The following ERGIC2 variants were observed in gnomAD, a reference collection of about 807,000 sequenced individuals.
ERGIC2 encodes the protein endoplasmic reticulum-Golgi intermediate compartment protein 2.
A neutral mutation model predicts 52.5 loss-of-function variants in ERGIC2; 31 were observed. The ratio of observed to expected loss-of-function variants is 0.59; its 90% CI spans 0.44 to 0.80. ERGIC2 has a LOEUF of 0.80. Ranked by LOEUF, ERGIC2 falls within the 30% of genes least tolerant of loss-of-function variation. The pLI, the probability that ERGIC2 is intolerant of heterozygous loss-of-function variation, is 0.00. For missense variants in ERGIC2, 395 were observed against 455.2 expected, an observed-to-expected ratio of 0.87 and a Z score of 1.20; for synonymous variants, 129 against 140.6, an observed-to-expected ratio of 0.92 and a Z score of 0.58.
At chr12:29,348,088 C>T (rs1372353526) in intron 10 of ERGIC2, among the ~76,000 whole-genome samples, 1 of 152,114 alleles carries the variant, frequency 6.6e-6, no homozygotes, top group Non-Finnish European at 1.5e-5. Context: ...ATTATACTGA[C>T]TAAAGCTTAT....
rs537478926 is a variant in ERGIC2 at position 29,381,163 on chromosome 12, C to G, written c.-86G>C. ...CGCCATGTTTCACAGAAGCCCGGGT[C>G]GCCGGGGCTCCCGCGTACCCGGAAA... On this transcript the variant is annotated 5_prime_UTR_variant, in exon 1 of 14. Transcript: ENST00000360150. 1 of 152,226 alleles carries G rather than the reference C, an allele frequency of 6.6e-6. No homozygotes were observed. The highest frequency in any genetic ancestry group is 2.4e-5 in the African/African-American group (1 of 41,436). 9.4% of individuals were successfully genotyped at this position (152,226 alleles called of 1,614,324 possible). A position where few individuals can be genotyped will look rare whatever the true frequency, so the allele number is the denominator to read the frequency against.
At chr12:29,377,519 TGAAAA>T (rs1330408473) in intron 1 of ERGIC2, among the ~76,000 whole-genome samples, 1 of 152,214 alleles carries the variant, frequency 6.6e-6, no homozygotes, top group Admixed American at 6.5e-5. Context: ...TAGGAAATAA[TGAAAA>T]GAAAGAAGTC....
At chr12:29,377,495 A>C (rs1473424776) in intron 1 of ERGIC2, among the ~76,000 whole-genome samples, 1 of 152,210 alleles carries the variant, frequency 6.6e-6, no homozygotes, top group East Asian at 1.9e-4. Context: ...TGCTATGTAA[A>C]TAGTTGTACT....
At chr12:29,365,408 G>A (rs955508879) in intron 5 of ERGIC2, among the ~76,000 whole-genome samples, 20 of 151,950 alleles carry the variant, frequency 1.3e-4, no homozygotes, top group Non-Finnish European at 2.7e-4. Context: ...TAAACGCTGG[G>A]TACTCATAGA....
intron 12 of ERGIC2, among the ~76,000 whole-genome samples, chr12:29,342,449 A>C (rs1397902887): frequency 6.6e-6 from 1 of 152,254 alleles, no homozygotes; most frequent in African/African-American, 2.4e-5. Flanking sequence ...ATTCATTTAA[A>C]AATATGATTC....
chr12:29,349,327 T>C (rs906715231), intron 9 of ERGIC2, 150 bp from the exon 10 acceptor site: 2 of 404,332 alleles, frequency 4.9e-6, no homozygotes, highest in Admixed American at 8.9e-5. Flanking sequence ...CCACAATACT[T>C]TGAGAAAAAT....
chr12:29,378,816 G>A (rs536086612), intron 1 of ERGIC2, among the ~76,000 whole-genome samples: 188 of 152,280 alleles, frequency 1.2e-3, no homozygotes, highest in African/African-American at 4.4e-3. Context: ...TGTGTGACAA[G>A]TGTGGAAAGA....
chr12:29,350,494 T>G (rs1039778638), intron 8 of ERGIC2, among the ~76,000 whole-genome samples: 1 of 152,090 alleles, frequency 6.6e-6, no homozygotes, highest in Admixed American at 6.6e-5. Context: ...TAAATCTTTA[T>G]CTGATGATGA....
intron 8 of ERGIC2, among the ~76,000 whole-genome samples, chr12:29,352,440 A>G (rs969744030): frequency 5.9e-5 from 9 of 152,188 alleles, no homozygotes; most frequent in African/African-American, 2.2e-4. Context: ...AGGTGAGTGG[A>G]TCACCTGAGG....
At chr12:29,352,237 A>T (rs1225719504) in intron 8 of ERGIC2, among the ~76,000 whole-genome samples, 2 of 152,350 alleles carry the variant, frequency 1.3e-5, no homozygotes, top group African/African-American at 4.8e-5. Context: ...GTAATACAAA[A>T]GCAGCCATAT....
chr12:29,366,513 A>C (rs1306915502), intron 5 of ERGIC2, among the ~76,000 whole-genome samples: 3 of 151,958 alleles, frequency 2.0e-5, no homozygotes, highest in African/African-American at 7.2e-5. Context: ...GTAGAATACA[A>C]ACAGGACATA....
intron 8 of ERGIC2, among the ~76,000 whole-genome samples, chr12:29,352,651 G>A (rs895943763): frequency 5.9e-5 from 9 of 152,132 alleles, no homozygotes; most frequent in African/African-American, 9.7e-5. Context: ...GCAACAGAGC[G>A]AGACTCTGTC....
At chr12:29,377,324 T>A (rs1940528415) in intron 1 of ERGIC2, among the ~76,000 whole-genome samples, 1 of 152,186 alleles carries the variant, frequency 6.6e-6, no homozygotes, top group Admixed American at 6.5e-5. Context: ...TCCCTCAGTA[T>A]CCATGGGGTA....
intron 10 of ERGIC2, among the ~76,000 whole-genome samples, chr12:29,347,322 AG>A (rs1359172078): frequency 2.0e-5 from 3 of 152,222 alleles, no homozygotes; most frequent in Admixed American, 6.5e-5. Flanking sequence ...GGGTAGGAGG[AG>A]TATGGAGTTA....
intron 6 of ERGIC2, 131 bp downstream of exon 6, chr12:29,361,514 T>C (rs974595393): frequency 1.1e-5 from 6 of 557,284 alleles, no homozygotes; most frequent in African/African-American, 3.8e-5. Context: ...AAGGATTATA[T>C]TATATACCAA....
rs1940132574 is a variant in ERGIC2 at position 29,351,640 on chromosome 12, G to A, written c.573-1572C>T. 3.3e-5 allele frequency among the ~76,000 whole-genome samples: 5 copies of A among 152,168 alleles called. No individual in the cohort carries two copies. The South Asian group carries it at 1.0e-3, about 31-fold the overall frequency. ...CATCTACCAGAACACTCTTCTTGAA[G>A]AAGGCTAGTCATCTGATTGTCTAAA... is the stretch of plus-strand genomic sequence containing the variant. On this transcript the variant is annotated intron_variant, in intron 8 of 13. Transcript: ENST00000360150.
intron 4 of ERGIC2, 44 bp downstream of exon 4, chr12:29,368,197 A>T (rs1001593373): frequency 7.9e-7 from 1 of 1,268,286 alleles, no homozygotes; most frequent in African/African-American, 1.5e-5. Flanking sequence ...AATTGTTTGA[A>T]CCATAACCTA....
chr12:29,380,492 TAAAC>T (rs1328334669), intron 1 of ERGIC2: 3 of 152,184 alleles, frequency 2.0e-5, no homozygotes, highest in Admixed American at 1.3e-4. Flanking sequence ...ATACTACAGA[TAAAC>T]AAGGCTATTC....
intron 3 of ERGIC2, 29 bp from the exon 4 acceptor site, chr12:29,368,316 C>T (rs1163388958): frequency 1.4e-5 from 16 of 1,167,308 alleles, no homozygotes; most frequent in Non-Finnish European, 1.9e-5. Flanking sequence ...AACATTAGTA[C>T]CTACCAATTA....
Sources: allele counts gnomAD v4.1 joint callset (sites outside exome capture counted in the v4.1 genomes callset), GRCh38; gene constraint gnomAD v4.1.1; transcripts MANE v1.5; gene names NCBI Gene and HGNC (gene_info 2026-07-23, HGNC 2026-07-21).